The following STARD13 variants were observed in gnomAD, a reference collection of about 807,000 sequenced individuals.
STARD13 encodes StAR related lipid transfer domain containing 13.
A neutral mutation model predicts 106.4 loss-of-function variants in STARD13; 62 were observed. That is an observed-to-expected ratio of 0.58 (90% CI 0.48 to 0.72). The LOEUF (loss-of-function observed/expected upper bound fraction) is 0.72. Ranked by LOEUF, STARD13 falls within the 30% of genes least tolerant of loss-of-function variation. The probability of loss-of-function intolerance (pLI) is 0.00; values close to 1 mark genes in which losing one functional copy is unlikely to be tolerated. For synonymous variants in STARD13, 565 were observed against 553.0 expected, an observed-to-expected ratio of 1.02 and a Z score of -0.31; for missense variants, 1,387 against 1,424.0, an observed-to-expected ratio of 0.97 and a Z score of 0.42.
upstream of STARD13, among the ~76,000 whole-genome samples, chr13:33,289,900 A>G (rs751597901): frequency 3.5e-5 from 5 of 143,744 alleles, no homozygotes; most frequent in Admixed American, 6.9e-5. Context: ...CTCTTTGCCA[A>G]TCCTTTCCAG....
the STARD13 span, among the ~76,000 whole-genome samples, chr13:33,355,994 C>T: frequency 6.6e-6 from 1 of 152,218 alleles, no homozygotes. Context: ...TCATATTTTC[C>T]TGATGTAGAC....
chr13:33,448,102 G>A, the STARD13 span, among the ~76,000 whole-genome samples: 4 of 152,166 alleles, frequency 2.6e-5, no homozygotes, highest in East Asian at 5.8e-4. Context: ...TATGGGATAT[G>A]TGATGTTTCG....
At chr13:33,390,626 T>A in the STARD13 span, among the ~76,000 whole-genome samples, 1 of 152,214 alleles carries the variant, frequency 6.6e-6, no homozygotes, top group South Asian at 2.1e-4. Context: ...GGACACACAC[T>A]TTGTGTCAGG....
chr13:33,400,698 C>T, the STARD13 span, among the ~76,000 whole-genome samples: 4 of 152,094 alleles, frequency 2.6e-5, no homozygotes, highest in African/African-American at 4.8e-5. Flanking sequence ...CTCCTGACGT[C>T]GTGATCCGCC....
intron 1 of STARD13, among the ~76,000 whole-genome samples, chr13:33,172,202 G>A (rs945414480): frequency 3.9e-5 from 6 of 152,024 alleles, no homozygotes; most frequent in South Asian, 2.1e-4. Context: ...AATACATTGC[G>A]AATATTTTCT....
At chr13:33,178,306 AG>A (rs913593776) in intron 1 of STARD13, among the ~76,000 whole-genome samples, 3 of 152,228 alleles carry the variant, frequency 2.0e-5, no homozygotes, top group Non-Finnish European at 4.4e-5. Context: ...TACTTTAAAA[AG>A]TATCTTCTTT....
the STARD13 span, among the ~76,000 whole-genome samples, chr13:33,367,452 G>T: frequency 6.6e-6 from 1 of 151,764 alleles, no homozygotes; most frequent in East Asian, 1.9e-4. Context: ...CTGCAGTAAG[G>T]AGAAAAAAGA....
At chr13:33,211,283 A>T (rs1887700474) in intron 1 of STARD13, among the ~76,000 whole-genome samples, 1 of 151,902 alleles carries the variant, frequency 6.6e-6, no homozygotes. Flanking sequence ...AATGATACCA[A>T]ATAATGCTCA....
intron 1 of STARD13, among the ~76,000 whole-genome samples, chr13:33,180,055 TC>T (rs1034573927): frequency 6.6e-6 from 1 of 152,232 alleles, no homozygotes; most frequent in Non-Finnish European, 1.5e-5. Flanking sequence ...AACATGCAAT[TC>T]ATTTTTTGCA....
At chr13:33,205,362 T>C (rs1035528052) in intron 1 of STARD13, among the ~76,000 whole-genome samples, 1 of 152,212 alleles carries the variant, frequency 6.6e-6, no homozygotes, top group Non-Finnish European at 1.5e-5. Context: ...GTCATATTCA[T>C]AGCTATTTAA....
chr13:33,487,634 C>T, the STARD13 span, among the ~76,000 whole-genome samples: 1 of 152,108 alleles, frequency 6.6e-6, no homozygotes, highest in Non-Finnish European at 1.5e-5. Flanking sequence ...TTAATTTGGG[C>T]ACCTTCATAA....
the STARD13 span, among the ~76,000 whole-genome samples, chr13:33,433,651 G>T: frequency 6.6e-6 from 1 of 152,148 alleles, no homozygotes; most frequent in African/African-American, 2.4e-5. Flanking sequence ...TTTTCAGAGA[G>T]CATTCTCTTG....
At chr13:33,491,054 C>T in the STARD13 span, among the ~76,000 whole-genome samples, 1 of 152,208 alleles carries the variant, frequency 6.6e-6, no homozygotes, top group Non-Finnish European at 1.5e-5. Flanking sequence ...CGTTTCAATA[C>T]TATGTGGCCA....
At chr13:33,537,313 ACTG>A in the STARD13 span, among the ~76,000 whole-genome samples, 1 of 152,284 alleles carries the variant, frequency 6.6e-6, no homozygotes, top group Non-Finnish European at 1.5e-5. Context: ...TTTCCGAAAT[ACTG>A]CTGCTACGCA....
At chr13:33,393,667 A>T in the STARD13 span, among the ~76,000 whole-genome samples, 1 of 152,236 alleles carries the variant, frequency 6.6e-6, no homozygotes, top group African/African-American at 2.4e-5. Flanking sequence ...ATACTACCAA[A>T]TGACATTTAC....
At chr13:33,178,686 T>C (rs1246876830) in intron 1 of STARD13, among the ~76,000 whole-genome samples, 3 of 152,222 alleles carry the variant, frequency 2.0e-5, no homozygotes, top group Admixed American at 6.5e-5. Flanking sequence ...ATCTGGAAAG[T>C]GGAGATTTTA....
chr13:33,591,049 C>T, the STARD13 span, among the ~76,000 whole-genome samples: 12,256 of 152,280 alleles, frequency 0.08, 684 homozygotes, highest in East Asian at 0.25. Context: ...TTTGGAATTT[C>T]GCATTCATTT....
intron 3 of STARD13, among the ~76,000 whole-genome samples, chr13:33,154,050 G>A (rs779778628): frequency 6.6e-5 from 10 of 152,222 alleles, no homozygotes; most frequent in Non-Finnish European, 8.8e-5. Context: ...GTTGGAAAAT[G>A]CAGATTCTGG....
At chr13:33,197,476 A>G (rs1317662143) in intron 1 of STARD13, among the ~76,000 whole-genome samples, 1 of 151,634 alleles carries the variant, frequency 6.6e-6, no homozygotes, top group East Asian at 1.9e-4. Context: ...GCGTCAGCCC[A>G]ATAAAACTTG....
Sources: allele counts gnomAD v4.1 joint callset (sites outside exome capture counted in the v4.1 genomes callset), GRCh38; gene constraint gnomAD v4.1.1; transcripts MANE v1.5; gene names NCBI Gene and HGNC (gene_info 2026-07-23, HGNC 2026-07-21).